The following RBFOX2 variants were observed in gnomAD, a reference collection of about 807,000 sequenced individuals.
RBFOX2 encodes the protein RNA binding fox-1 homolog 2, also known as RNA binding protein fox-1 homolog 2.
In RBFOX2, 10 loss-of-function variants were observed where a neutral mutation model predicts 49.1. The observed-to-expected ratio is 0.20, with a 90% confidence interval of 0.13 to 0.35. The LOEUF is 0.35. Among genes scored for constraint, RBFOX2 ranks in the 10% least tolerant of loss-of-function variants. The pLI is 1.00. For synonymous variants in RBFOX2, 183 were observed against 187.4 expected, an observed-to-expected ratio of 0.98 and a Z score of 0.19; for missense variants, 323 against 486.9, an observed-to-expected ratio of 0.66 and a Z score of 3.17.
chr22:35,911,937 G>C (rs1224334352), intron 1 of RBFOX2, among the ~76,000 whole-genome samples: 2 of 151,870 alleles, frequency 1.3e-5, no homozygotes, highest in African/African-American at 4.8e-5. Flanking sequence ...TGCTGGTCTT[G>C]GTTCACTCAT....
At chr22:35,845,574 A>G (rs1351314297), upstream of RBFOX2, among the ~76,000 whole-genome samples, 2 of 152,170 alleles carry the variant, frequency 1.3e-5, no homozygotes, top group Non-Finnish European at 2.9e-5. Context: ...TTAATTCACA[A>G]ATTACTACAT....
chr22:35,864,164 ATAAAG>A (rs2043407971), intron 1 of RBFOX2, among the ~76,000 whole-genome samples: 1 of 152,238 alleles, frequency 6.6e-6, no homozygotes, highest in Admixed American at 6.5e-5. Flanking sequence ...CTTGGAAAAA[ATAAAG>A]TACAGCTGAA....
intron 4 of RBFOX2, among the ~76,000 whole-genome samples, chr22:35,776,213 A>G (rs1943882637): frequency 6.6e-6 from 1 of 152,374 alleles, no homozygotes; most frequent in South Asian, 2.1e-4. Flanking sequence ...ATCACATAAA[A>G]TAAACACAAA....
At chr22:35,985,384 G>A (rs2150080129) in intron 1 of RBFOX2, among the ~76,000 whole-genome samples, 1 of 152,288 alleles carries the variant, frequency 6.6e-6, no homozygotes, top group African/African-American at 2.4e-5. Context: ...ACACTCACCA[G>A]AGGTAAAGAG....
At chr22:35,758,058 G>A (rs1182342295) in intron 9 of RBFOX2, among the ~76,000 whole-genome samples, 2 of 152,164 alleles carry the variant, frequency 1.3e-5, no homozygotes, top group African/African-American at 2.4e-5. Context: ...GGCTAGAAAC[G>A]TAATGATTAA....
chr22:35,807,816 C>T (rs1158613508), intron 2 of RBFOX2, among the ~76,000 whole-genome samples: 1 of 151,428 alleles, frequency 6.6e-6, no homozygotes, highest in Non-Finnish European at 1.5e-5. Flanking sequence ...GAAAAATCTG[C>T]AAAATTAATA....
chr22:35,862,377 A>G lies in RBFOX2; in HGVS notation c.-33-52373T>C, dbSNP rs58286901. Reference sequence around the variant, plus strand: ...TTGAAGGGTTAGTTATTTTCTTTGGAGGGGGGGGGGAATGATAAAAGGAGA... The same window carrying G: ...TTGAAGGGTTAGTTATTTTCTTTGGGGGGGGGGGGGAATGATAAAAGGAGA... On this transcript the variant is annotated intron_variant, in intron 1 of 13. Transcript: ENST00000359369. Among the ~76,000 whole-genome samples, 634 of 91,934 alleles carry G rather than the reference A, an allele frequency of 6.9e-3. 1 individual carries two copies. Among genetic ancestry groups the G allele is most frequent in the Admixed American group, 9.3e-3 (80 of 8,560 alleles). 60.3% of individuals were successfully genotyped at this position (91,934 alleles called of 152,430 possible).
rs147361847 is a variant in RBFOX2 at position 35,892,814 on chromosome 22, C to T, written c.-34+46033G>A. ...GAAGAGGTTCAGTTCAATTATCTTA[C>T]GCATGTGGAAACTGAGTCTCAGAAT... is the stretch of plus-strand genomic sequence containing the variant. On this transcript the variant is annotated intron_variant, in intron 1 of 13. Transcript: ENST00000359369. 2.2e-4 allele frequency among the ~76,000 whole-genome samples: 34 copies of T among 152,292 alleles called. 1 individual carries two copies. The East Asian group carries it at 5.8e-3, about 26-fold the overall frequency.
At chr22:35,744,949 G>C (rs574486003) in intron 11 of RBFOX2, among the ~76,000 whole-genome samples, 3 of 152,100 alleles carry the variant, frequency 2.0e-5, no homozygotes, top group Non-Finnish European at 4.4e-5. Context: ...TTTTAGCATA[G>C]GACTTATATC....
At chr22:35,778,816 T>C (rs1352867215) in intron 3 of RBFOX2, among the ~76,000 whole-genome samples, 1 of 152,126 alleles carries the variant, frequency 6.6e-6, no homozygotes, top group Non-Finnish European at 1.5e-5. Flanking sequence ...TTTGTATTTT[T>C]AGTAGAGAGG....
intron 1 of RBFOX2, among the ~76,000 whole-genome samples, chr22:36,025,613 A>G (rs2059402569): frequency 6.6e-6 from 1 of 152,164 alleles, no homozygotes; most frequent in Non-Finnish European, 1.5e-5. Flanking sequence ...TATTCATGTA[A>G]TACTCTCACA....
chr22:35,897,337 G>GC (rs2047977370), intron 1 of RBFOX2: 30 of 1,391,508 alleles, frequency 2.2e-5, no homozygotes, highest in African/African-American at 1.7e-4. Flanking sequence ...TGATGAAGCC[G>GC]CAGCACCTCA....
chr22:35,996,713 A>T (rs2058209169), intron 1 of RBFOX2: 2 of 152,206 alleles, frequency 1.3e-5, no homozygotes, highest in African/African-American at 4.8e-5. Flanking sequence ...AGTCACCAGG[A>T]AATATGAGGC....
chr22:35,821,633 C>T (rs1954533320), intron 1 of RBFOX2, among the ~76,000 whole-genome samples: 1 of 113,196 alleles, frequency 8.8e-6, no homozygotes, highest in Admixed American at 9.9e-5. Context: ...AAAAAAAAAG[C>T]AGTAGTATCC....
chr22:35,826,342 C>CAAA (rs1160241662), intron 1 of RBFOX2, among the ~76,000 whole-genome samples: 57 of 61,888 alleles, frequency 9.2e-4, no homozygotes, highest in Middle Eastern at 9.3e-3. Context: ...AACTCCATCT[C>CAAA]AAAAAAAAAA....
At chr22:35,761,731 G>T (rs1028990943) in intron 6 of RBFOX2, among the ~76,000 whole-genome samples, 1 of 151,960 alleles carries the variant, frequency 6.6e-6, no homozygotes, top group South Asian at 2.1e-4. Flanking sequence ...AATGAGAGGA[G>T]AAAAAATAAA....
chr22:36,012,393 G>C (rs1054352659), intron 1 of RBFOX2, among the ~76,000 whole-genome samples: 3 of 152,046 alleles, frequency 2.0e-5, no homozygotes, highest in Non-Finnish European at 2.9e-5. Context: ...TATCTTTCAG[G>C]GTTGTTGAAG....
chr22:35,937,201 T>C (rs987415685), intron 1 of RBFOX2, among the ~76,000 whole-genome samples: 1 of 152,130 alleles, frequency 6.6e-6, no homozygotes, highest in Non-Finnish European at 1.5e-5. Context: ...GATCTCCAGG[T>C]ATGAGAATGT....
intron 1 of RBFOX2, among the ~76,000 whole-genome samples, chr22:35,954,337 A>G (rs1437032338): frequency 2.0e-5 from 3 of 152,258 alleles, no homozygotes; most frequent in Admixed American, 2.0e-4. Context: ...AGAATTCAGC[A>G]TAAGTACACA....
Sources: allele counts gnomAD v4.1 joint callset (sites outside exome capture counted in the v4.1 genomes callset), GRCh38; gene constraint gnomAD v4.1.1; transcripts MANE v1.5; gene names NCBI Gene and HGNC (gene_info 2026-07-23, HGNC 2026-07-21).